PTPRZ1: variants seen among roughly 807,000 people sequenced by gnomAD.
The protein encoded by PTPRZ1 is protein tyrosine phosphatase receptor type Z1, also known as receptor-type tyrosine-protein phosphatase zeta.
A neutral mutation model predicts 214.1 loss-of-function variants in PTPRZ1; 82 were observed. The observed-to-expected ratio is 0.38, with a 90% CI of 0.32 to 0.46. The LOEUF is 0.46. Ranked by LOEUF, PTPRZ1 falls within the 20% of genes least tolerant of loss-of-function variation. The pLI is 1.00. For synonymous variants in PTPRZ1, 945 were observed against 987.9 expected (o/e 0.96, Z 0.81); for missense variants, 2,603 against 2,748.7 (o/e 0.95, Z 1.19).
At chr7:121,926,211 A>AGAAGAATC (rs143326765) in intron 1 of PTPRZ1, among the ~76,000 whole-genome samples, 42,753 of 151,380 alleles carry the variant, frequency 0.28, 6,170 homozygotes, top group South Asian at 0.31. Context: ...AGGCTGAGGC[A>AGAAGAATC]GAAGAATCGC....
chr7:122,012,992 G>T lies in PTPRZ1; in HGVS notation c.3946G>T (p.Val1316Phe). 1 of 1,614,112 alleles carries T rather than the reference G, an allele frequency of 6.2e-7. No individual in the cohort carries two copies. Among genetic ancestry groups the T allele is most frequent in the South Asian group, 1.1e-5 (1 of 91,074 alleles). ...AGGAAGGCATGTATTTGCTACACCT[G>T]TTTTATCAATTGATGAACCATTAAA... ...PKGRHVFATP[V>F]LSIDEPLNTL... Residue 1316 changes from valine (V) to phenylalanine (F), a missense_variant, in exon 12 of 30, where the codon GTT becomes TTT. By Grantham distance (50) the Val-to-Phe change is conservative. Transcript: ENST00000393386.
In PTPRZ1 at chr7:121,902,641, A is replaced by G. The variant is rs948024682; in HGVS notation, c.59-25515A>G. 6.6e-5 allele frequency among the ~76,000 whole-genome samples: 10 copies of G among 151,952 alleles called. No individual in the cohort carries two copies. The East Asian group carries it at 1.5e-3, about 23-fold the overall frequency. ...ATGTTAGCATTTTTTTCACTTACCT[A>G]TCTGCCATTTGTATGTCTTCTTTTG... On this transcript the variant is annotated intron_variant, in intron 1 of 29. Transcript: ENST00000393386.
In PTPRZ1 at chr7:122,010,535, A is replaced by G; in HGVS notation, c.1489A>G (p.Asn497Asp). The change falls in exon 12 of 30, where the codon AAT becomes GAT. Residue 497 changes from asparagine to aspartate, a missense_variant. By Grantham distance (23) the Asn-to-Asp change is conservative. Coordinates refer to ENST00000393386, the MANE Select transcript of PTPRZ1 (RefSeq NM_002851.3). ...SEFSGKGDVP[N>D]TSLNSTSQPV... ...ATTCTCTGGAAAGGGTGATGTTCCC[A>G]ATACATCTTTAAATTCCACTTCCCA... 1 of 1,613,708 alleles carries G rather than the reference A, an allele frequency of 6.2e-7. No homozygotes were observed. The highest frequency in any genetic ancestry group is 8.5e-7 in the Non-Finnish European group (1 of 1,179,674).
intron 12 of PTPRZ1, among the ~76,000 whole-genome samples, chr7:122,015,465 C>T (rs1412979212): frequency 2.6e-5 from 4 of 152,078 alleles, no homozygotes; most frequent in Admixed American, 2.0e-4. Flanking sequence ...GAATTGATAC[C>T]TATTTAACAT....
chr7:122,035,313 A>G (rs923509899), intron 17 of PTPRZ1, among the ~76,000 whole-genome samples: 2 of 152,040 alleles, frequency 1.3e-5, no homozygotes, highest in African/African-American at 4.8e-5. Flanking sequence ...ACTAATTTTT[A>G]TTTTTTAGTA....
At chr7:121,946,854 G>T (rs1423555708) in intron 2 of PTPRZ1, among the ~76,000 whole-genome samples, 7 of 152,066 alleles carry the variant, frequency 4.6e-5, no homozygotes, top group Non-Finnish European at 1.0e-4. Context: ...ATAACCTGAA[G>T]AGACATCAGA....
chr7:122,012,024 A>T lies in PTPRZ1; in HGVS notation c.2978A>T (p.Asp993Val). 1 of 1,614,204 alleles carries T rather than the reference A, an allele frequency of 6.2e-7. No individual in the cohort carries two copies. Among genetic ancestry groups the T allele is most frequent in the Non-Finnish European group, 8.5e-7 (1 of 1,180,014 alleles). The change falls in exon 12 of 30, where the codon GAT becomes GTT. Residue 993 changes from aspartate to valine, a missense_variant. Around this residue, in one of 6 missense-constraint regions of PTPRZ1, gnomAD observed 1,913 missense variants for 1,914.3 expected, o/e 1.00. Coordinates refer to ENST00000393386, the MANE Select transcript of PTPRZ1 (RefSeq NM_002851.3). The part of the protein sequence containing the change: ...LLQPTHALSG[D>V]GEWSGASSDS... ...CAGCCTACTCATGCCCTCTCTGGTG[A>T]TGGGGAATGGTCTGGAGCCTCTTCT...
chr7:121,988,987 T>C (rs936918627), intron 8 of PTPRZ1, among the ~76,000 whole-genome samples: 2 of 152,236 alleles, frequency 1.3e-5, no homozygotes, highest in Non-Finnish European at 2.9e-5. Flanking sequence ...ATCAGTATTA[T>C]GACAGAATTG....
intron 1 of PTPRZ1, among the ~76,000 whole-genome samples, chr7:121,876,607 A>G (rs1412543837): frequency 1.3e-5 from 2 of 152,216 alleles, no homozygotes; most frequent in Non-Finnish European, 2.9e-5. Context: ...CTGAAAACAA[A>G]TTGTAACCAC....
intron 11 of PTPRZ1, among the ~76,000 whole-genome samples, chr7:122,009,069 C>A (rs188182383): frequency 4.7e-4 from 72 of 152,136 alleles, no homozygotes; most frequent in African/African-American, 1.6e-3. Context: ...GGAAATTTTT[C>A]AAGGGAATCT....
intron 2 of PTPRZ1, among the ~76,000 whole-genome samples, chr7:121,959,581 C>T (rs747010069): frequency 1.9e-4 from 29 of 152,168 alleles, no homozygotes; most frequent in Non-Finnish European, 4.0e-4. Flanking sequence ...GACATATAAT[C>T]TGTTAGTGAT....
rs142555938 is a variant in PTPRZ1 at position 121,961,106 on chromosome 7, T to C, written c.125-6845T>C. Among the ~76,000 whole-genome samples the C allele has an allele frequency of 4.8e-4, 73 of 152,318 alleles. No individual in the cohort carries two copies. The East Asian group carries it at 0.014, about 28-fold the overall frequency. On this transcript the variant is annotated intron_variant, in intron 2 of 29. Coordinates refer to ENST00000393386, the MANE Select transcript of PTPRZ1 (RefSeq NM_002851.3). ...GCTGTAAAAATCAAATTAAGACAAA[T>C]AGGAGATGTCTATGAAAATGGTCAT...
chr7:122,033,764 A>G (rs909186473), intron 15 of PTPRZ1: 3 of 275,670 alleles, frequency 1.1e-5, no homozygotes, highest in African/African-American at 2.2e-5. Flanking sequence ...TAAAATTTGG[A>G]TATTAGCCAA....
Position 122,011,536 on chromosome 7 carries a change from A to G in PTPRZ1, c.2490A>G (p.Glu830=). Reference sequence around the variant, plus strand: ...TTTCCTCTGCTTCCTTCAGTAGTGAATTGTTTCGCCATCTGCATACAGTTT... The same window carrying G: ...TTTCCTCTGCTTCCTTCAGTAGTGAGTTGTTTCGCCATCTGCATACAGTTT... The part of the protein sequence containing the change: ...LPFSSASFSS[E]LFRHLHTVSQ... Residue 830 remains glutamate (E), a synonymous_variant, in exon 12 of 30, where the codon GAA becomes GAG. Coordinates refer to ENST00000393386, the MANE Select transcript of PTPRZ1 (RefSeq NM_002851.3). The G allele has an allele frequency of 6.2e-7, 1 of 1,613,950 alleles. No homozygotes were observed. The highest frequency in any genetic ancestry group is 1.3e-5 in the African/African-American group (1 of 74,982).
chr7:121,983,373 ATATAAC>A (rs530618647), intron 6 of PTPRZ1, among the ~76,000 whole-genome samples: 131 of 152,334 alleles, frequency 8.6e-4, no homozygotes, highest in Non-Finnish European at 1.7e-3. Context: ...TTATGAAATG[ATATAAC>A]TATATCTATT....
At chr7:121,950,266 C>G (rs1274804987) in intron 2 of PTPRZ1, among the ~76,000 whole-genome samples, 1 of 152,184 alleles carries the variant, frequency 6.6e-6, no homozygotes, top group Non-Finnish European at 1.5e-5. Context: ...TACCTGCCAC[C>G]AGGTCTCTTC....
At chr7:121,968,390 A>C (rs1797108189) in intron 3 of PTPRZ1, among the ~76,000 whole-genome samples, 1 of 152,156 alleles carries the variant, frequency 6.6e-6, no homozygotes, top group African/African-American at 2.4e-5. Flanking sequence ...AAGATGTGAT[A>C]ATGTGATTTA....
chr7:121,931,616 A>T (rs1173927683), intron 2 of PTPRZ1, among the ~76,000 whole-genome samples: 1 of 152,056 alleles, frequency 6.6e-6, no homozygotes, highest in Non-Finnish European at 1.5e-5. Context: ...GTGCCTCATA[A>T]GGTCAGGAGA....
At chr7:122,049,900 G>A (rs1375321006) in intron 23 of PTPRZ1, among the ~76,000 whole-genome samples, 4 of 152,288 alleles carry the variant, frequency 2.6e-5, no homozygotes. Context: ...TGATATAATA[G>A]TATTGGAAAA....
Sources: allele counts gnomAD v4.1 joint callset (sites outside exome capture counted in the v4.1 genomes callset), GRCh38; gene constraint gnomAD v4.1.1; regional missense constraint gnomAD v4.1.1; transcripts MANE v1.5; gene names NCBI Gene and HGNC (gene_info 2026-07-23, HGNC 2026-07-21).